The following UBE2E1 variants were observed in gnomAD, a reference collection of about 807,000 sequenced individuals.
UBE2E1 encodes ubiquitin-conjugating enzyme E2 E1.
In UBE2E1, 6 loss-of-function variants were observed where a neutral mutation model predicts 21.4. The ratio of observed to expected loss-of-function variants is 0.28; its 90% CI spans 0.15 to 0.55. UBE2E1 has a LOEUF of 0.55. Ranked by LOEUF, UBE2E1 falls within the 20% of genes least tolerant of loss-of-function variation. The pLI, the probability that UBE2E1 is intolerant of heterozygous loss-of-function variation, is 0.93. For missense variants in UBE2E1, 142 were observed against 236.5 expected (o/e 0.60, Z 2.62); for synonymous variants, 87 against 82.7 (o/e 1.05, Z -0.28).
chr3:23,807,750 G>T lies in UBE2E1; in HGVS notation c.152+329G>T, dbSNP rs774976563. The T allele has an allele frequency of 7.5e-4, 148 of 198,600 alleles. 1 individual carries two copies. In the Middle Eastern group the frequency reaches 0.021, roughly 28 times the overall value. The allele number at this position is 198,600 out of a possible 1,614,324, so 12.3% of individuals were successfully genotyped here. On this transcript the variant is annotated intron_variant, in intron 2 of 5. Transcript: ENST00000306627. Reference sequence around the variant, plus strand: ...AATCTGTGACCTTCCCCAAGGCCATGATCCCATTTCTTAATTACTAATACC... The same window carrying T: ...AATCTGTGACCTTCCCCAAGGCCATTATCCCATTTCTTAATTACTAATACC...
At chr3:23,881,554 A>G (rs892973122) in intron 3 of UBE2E1, among the ~76,000 whole-genome samples, 12 of 152,200 alleles carry the variant, frequency 7.9e-5, no homozygotes, top group Non-Finnish European at 1.5e-4. Context: ...TGTAACCCCA[A>G]TCATACTTTG....
At chr3:23,851,291 T>A (rs1485184732) in intron 3 of UBE2E1, among the ~76,000 whole-genome samples, 1 of 152,216 alleles carries the variant, frequency 6.6e-6, no homozygotes, top group Admixed American at 6.5e-5. Context: ...TCTTAATTTC[T>A]GTGGCTTCAT....
intron 3 of UBE2E1, among the ~76,000 whole-genome samples, chr3:23,877,953 C>T (rs11711380): frequency 0.17 from 25,188 of 152,064 alleles, 2,211 homozygotes; most frequent in Non-Finnish European, 0.19. Flanking sequence ...TTTTGAAATA[C>T]GCTGGCACTG....
At position 23,887,440 on chromosome 3, in the gene UBE2E1, G is replaced by A; in HGVS notation, c.204-127G>A. 1 of 1,304,404 alleles carries A rather than the reference G, an allele frequency of 7.7e-7. No homozygotes were observed. The highest frequency in any genetic ancestry group is 1.0e-6 in the Non-Finnish European group (1 of 980,410). The allele number at this position is 1,304,404 out of a possible 1,614,324, so 80.8% of individuals were successfully genotyped here. On this transcript the variant is annotated intron_variant, in intron 3 of 5. Transcript: ENST00000306627. This position sits in a 1 kb window ranked among gnomAD's most constrained non-coding sequence, Gnocchi z 4.4. ...CAGTTCTGCATCCGTTTCTGTACTT[G>A]TTTTGTAAAGAGAATCCACACAGTA... is the stretch of plus-strand genomic sequence containing the variant.
intron 3 of UBE2E1, among the ~76,000 whole-genome samples, chr3:23,831,741 G>A (rs1412840376): frequency 6.6e-6 from 1 of 151,654 alleles, no homozygotes; most frequent in East Asian, 1.9e-4. Context: ...CTGTTGCCCA[G>A]GCTGGAATGC....
intron 3 of UBE2E1, among the ~76,000 whole-genome samples, chr3:23,829,411 C>T (rs1414727737): frequency 6.6e-6 from 1 of 151,750 alleles, no homozygotes; most frequent in African/African-American, 2.4e-5. Flanking sequence ...CCTCCTGCCT[C>T]AGCCTCCCAA....
chr3:23,832,457 C>A (rs1458979017), intron 3 of UBE2E1, among the ~76,000 whole-genome samples: 10 of 152,132 alleles, frequency 6.6e-5, no homozygotes, highest in Admixed American at 2.6e-4. Flanking sequence ...CCAGCCTGGT[C>A]ACCATGGCAA....
intron 3 of UBE2E1, among the ~76,000 whole-genome samples, chr3:23,848,609 A>AATACAAT (rs976543612): frequency 6.6e-6 from 1 of 152,234 alleles, no homozygotes; most frequent in African/African-American, 2.4e-5. Context: ...TAGAAAAAAA[A>AATACAAT]ATACAATATA....
At position 23,876,482 on chromosome 3, in the gene UBE2E1, A is replaced by G. The variant is rs1700916826; in HGVS notation, c.204-11085A>G. Among the ~76,000 whole-genome samples, 3 of 152,232 alleles carry G rather than the reference A, an allele frequency of 2.0e-5. No individual in the cohort carries two copies. The highest frequency in any genetic ancestry group is 1.3e-4 in the Admixed American group (2 of 15,276). ...GTATCTCTGGTAGATTGCTACCTTC[A>G]TAGCTTATCTTCTCTATGAATTTCT... is the stretch of plus-strand genomic sequence containing the variant. On this transcript the variant is annotated intron_variant, in intron 3 of 5. Coordinates refer to ENST00000306627, the MANE Select transcript of UBE2E1 (RefSeq NM_003341.5). This position sits in a 1 kb window ranked among gnomAD's most constrained non-coding sequence, Gnocchi z 4.3.
In UBE2E1 at chr3:23,808,328, C is replaced by T. The variant is rs1699320046; in HGVS notation, c.152+907C>T. ...TGATCGCCATGACCCTCAAAATCATCTTTAGTGGATTCCTAGGAGCTCTGA... is the reference window on the plus strand; with the variant it reads ...TGATCGCCATGACCCTCAAAATCATTTTTAGTGGATTCCTAGGAGCTCTGA... On this transcript the variant is annotated intron_variant, in intron 2 of 5. Transcript: ENST00000306627. The surrounding 1 kb of genome is among the most constrained non-coding windows in gnomAD (Gnocchi z 4.9). Among the ~76,000 whole-genome samples, 1 of 152,158 alleles carries T rather than the reference C, an allele frequency of 6.6e-6. No individual in the cohort carries two copies. The highest frequency in any genetic ancestry group is 1.5e-5 in the Non-Finnish European group (1 of 68,038).
rs1393578109 is a variant in UBE2E1 at position 23,863,357 on chromosome 3, T to C, written c.204-24210T>C. Among the ~76,000 whole-genome samples, 1 of 152,052 alleles carries C rather than the reference T, an allele frequency of 6.6e-6. No homozygotes were observed. Among genetic ancestry groups the C allele is most frequent in the Non-Finnish European group, 1.5e-5 (1 of 68,010 alleles). On this transcript the variant is annotated intron_variant, in intron 3 of 5. Coordinates refer to ENST00000306627, the MANE Select transcript of UBE2E1 (RefSeq NM_003341.5). This position sits in a 1 kb window ranked among gnomAD's most constrained non-coding sequence, Gnocchi z 4.3. ...GGTTACTTTTCCTTCCTTGCTTGAC[T>C]ACCTCCCTCCCCAAGTTATTCTCTC... is the stretch of plus-strand genomic sequence containing the variant.
intron 3 of UBE2E1, among the ~76,000 whole-genome samples, chr3:23,812,320 C>G (rs1402868022): frequency 6.6e-6 from 1 of 152,178 alleles, no homozygotes. Context: ...AACATTTAAC[C>G]TAGTTCTCAA....
At chr3:23,811,039 A>T in intron 2 of UBE2E1, 1 of 185,648 alleles carries the variant, frequency 5.4e-6, no homozygotes, top group Non-Finnish European at 1.1e-5. Flanking sequence ...GGGGCATCTG[A>T]GGGGTGAAAG....
At chr3:23,813,612 G>A (rs775795522) in intron 3 of UBE2E1, among the ~76,000 whole-genome samples, 27 of 151,986 alleles carry the variant, frequency 1.8e-4, no homozygotes, top group Middle Eastern at 3.4e-3. Flanking sequence ...GCATGATTTC[G>A]GCTCATTGCA....
chr3:23,884,351 C>T (rs1701126856), intron 3 of UBE2E1, among the ~76,000 whole-genome samples: 1 of 152,172 alleles, frequency 6.6e-6, no homozygotes, highest in East Asian at 1.9e-4. Context: ...CACTAGTAAC[C>T]TGTAGCAGTG....
At chr3:23,877,684 G>T (rs1375023363) in intron 3 of UBE2E1, among the ~76,000 whole-genome samples, 1 of 152,146 alleles carries the variant, frequency 6.6e-6, no homozygotes, top group South Asian at 2.1e-4. Flanking sequence ...TGATATGAAT[G>T]ATGTACTTTA....
chr3:23,855,269 G>C (rs984157776), intron 3 of UBE2E1, among the ~76,000 whole-genome samples: 1 of 152,054 alleles, frequency 6.6e-6, no homozygotes, highest in Non-Finnish European at 1.5e-5. Flanking sequence ...ACTAGTTTAT[G>C]TTTTAATTTT....
rs1701367961 is a variant in UBE2E1, at chr3:23,890,381, G to C, written c.485-128G>C. 4.2e-6 allele frequency: 3 copies of C among 710,038 alleles called. No individual in the cohort carries two copies. In the African/African-American group the frequency reaches 5.5e-5, roughly 13 times the overall value. The allele number at this position is 710,038 out of a possible 1,614,324, so 44.0% of individuals were successfully genotyped here. ...ATGGAAAAATATCCAGCATGGTGGA[G>C]TGGTGTTTCGAAGATGGGTTTGATC... On this transcript the variant is annotated intron_variant, in intron 5 of 5. Transcript: ENST00000306627.
chr3:23,850,562 G>T (rs1054080826), intron 3 of UBE2E1, among the ~76,000 whole-genome samples: 24 of 151,004 alleles, frequency 1.6e-4, no homozygotes, highest in African/African-American at 5.3e-4. Context: ...TCAGTCACCA[G>T]AGCAGTGGTG....
Sources: gnomAD v4.1 joint callset for allele counts (sites outside exome capture counted in the v4.1 genomes callset) on GRCh38, gnomAD v4.1.1 for gene constraint, Gnocchi (gnomAD v3.1) non-coding constraint, MANE v1.5 for transcripts, NCBI Gene and HGNC (gene_info 2026-07-23, HGNC 2026-07-21) for gene names.